JMY: variants seen among roughly 807,000 people sequenced by gnomAD.
JMY encodes the protein junction-mediating and -regulatory protein.
In JMY, 46 loss-of-function variants were observed where a neutral mutation model predicts 103.3. That is an observed-to-expected ratio of 0.45 (90% CI 0.35 to 0.57). JMY has a LOEUF of 0.57. Among genes scored for constraint, JMY ranks in the 20% least tolerant of loss-of-function variants. JMY has a pLI of 0.00. For synonymous variants in JMY, 526 were observed against 489.3 expected (o/e 1.07, Z -0.99); for missense variants, 1,238 against 1,255.2 (o/e 0.99, Z 0.21).
chr5:79,315,049 C>T (rs1747174216), intron 9 of JMY, among the ~76,000 whole-genome samples, 198 bp downstream of exon 9: 1 of 152,096 alleles, frequency 6.6e-6, no homozygotes, highest in South Asian at 2.1e-4. Context: ...GGCTGTTAGG[C>T]ATGTTTTAAA....
intron 1 of JMY, among the ~76,000 whole-genome samples, chr5:79,261,216 C>T (rs1418139808): frequency 1.3e-5 from 2 of 152,062 alleles, no homozygotes; most frequent in Non-Finnish European, 2.9e-5. Flanking sequence ...GCTCCAAGAT[C>T]TTTACCCTGA....
At chr5:79,259,500 C>T (rs73116171) in intron 1 of JMY, among the ~76,000 whole-genome samples, 2,874 of 152,372 alleles carry the variant, frequency 0.019, 95 homozygotes, top group African/African-American at 0.066. Context: ...GACTCACCCA[C>T]TCCTGCCCAG....
intron 1 of JMY, among the ~76,000 whole-genome samples, chr5:79,276,293 A>T (rs1745933657): frequency 6.6e-6 from 1 of 151,138 alleles, no homozygotes; most frequent in Non-Finnish European, 1.5e-5. Flanking sequence ...TGATTTTTGT[A>T]ATTTTAGTAG....
chr5:79,285,534 T>G (rs1746242977), intron 2 of JMY, among the ~76,000 whole-genome samples: 2 of 150,410 alleles, frequency 1.3e-5, no homozygotes, highest in Non-Finnish European at 1.5e-5. Flanking sequence ...AGCTATACTT[T>G]CCTTTAGTTC....
At chr5:79,247,920 T>G (rs938035055) in intron 1 of JMY, among the ~76,000 whole-genome samples, 1 of 151,650 alleles carries the variant, frequency 6.6e-6, no homozygotes, top group Non-Finnish European at 1.5e-5. Context: ...TGAGACAGAG[T>G]CTCGTTCTGC....
intron 1 of JMY, among the ~76,000 whole-genome samples, chr5:79,244,045 G>T (rs967847951): frequency 1.3e-4 from 20 of 150,190 alleles, no homozygotes; most frequent in African/African-American, 4.9e-4. Context: ...CTGTCACCCA[G>T]GCTGGAGTGC....
chr5:79,280,953 A>T (rs1746088179), intron 2 of JMY, among the ~76,000 whole-genome samples: 1 of 151,802 alleles, frequency 6.6e-6, no homozygotes, highest in Non-Finnish European at 1.5e-5. Flanking sequence ...AAAAAAAGCA[A>T]GTATAATTGA....
intron 1 of JMY, among the ~76,000 whole-genome samples, chr5:79,264,132 G>T (rs953315120): frequency 6.6e-6 from 1 of 151,584 alleles, no homozygotes; most frequent in African/African-American, 2.4e-5. Context: ...GTTGCCCAGG[G>T]TAGAGTACAG....
intron 1 of JMY, 146 bp downstream of exon 1, chr5:79,237,828 C>T: frequency 1.5e-6 from 1 of 665,194 alleles, no homozygotes; most frequent in Non-Finnish European, 2.5e-6. Context: ...TCCTGATCTA[C>T]CTTGCCCTTC....
intron 1 of JMY, among the ~76,000 whole-genome samples, chr5:79,265,353 G>A (rs1745555740): frequency 6.6e-6 from 1 of 152,180 alleles, no homozygotes; most frequent in Non-Finnish European, 1.5e-5. Context: ...GGGATATTAA[G>A]ATATTTATTA....
chr5:79,267,945 G>A (rs1224351841), intron 1 of JMY, among the ~76,000 whole-genome samples: 1 of 152,182 alleles, frequency 6.6e-6, no homozygotes, highest in Non-Finnish European at 1.5e-5. Flanking sequence ...GTGTAGTTTT[G>A]TAAGAAACTG....
chr5:79,286,125 C>T (rs35483465), intron 2 of JMY, among the ~76,000 whole-genome samples: 8,538 of 152,120 alleles, frequency 0.056, 543 homozygotes, highest in African/African-American at 0.15. Context: ...GTCTTAGGTA[C>T]AATAAACTAT....
intron 4 of JMY, among the ~76,000 whole-genome samples, 154 bp downstream of exon 4, chr5:79,291,453 C>T (rs576453208): frequency 1.2e-4 from 19 of 152,288 alleles, no homozygotes; most frequent in Middle Eastern, 3.4e-3. Context: ...CTTAAGTTGT[C>T]ATTAGAAGAG....
intron 7 of JMY, among the ~76,000 whole-genome samples, chr5:79,310,780 A>G (rs1747023503): frequency 6.6e-6 from 1 of 152,208 alleles, no homozygotes; most frequent in Non-Finnish European, 1.5e-5. Flanking sequence ...ATTGGATAAG[A>G]GAATTCTGTT....
intron 2 of JMY, among the ~76,000 whole-genome samples, chr5:79,282,084 GTA>G (rs1408405448): frequency 4.6e-5 from 7 of 152,248 alleles, no homozygotes; most frequent in African/African-American, 1.7e-4. Flanking sequence ...GTGGCCACCT[GTA>G]GTCCCAGCTA....
In JMY at chr5:79,306,278, G is replaced by A; in HGVS notation, c.1882-97G>A. The A allele has an allele frequency of 6.3e-6, 5 of 792,140 alleles. No individual in the cohort carries two copies. The East Asian group carries it at 1.0e-4, about 16-fold the overall frequency. 49.1% of individuals were successfully genotyped at this position (792,140 alleles called of 1,614,324 possible). ...GGTGGTCAATGTGATACTTTGTTCT[G>A]TAGGTGGTATATATTAAGATCAAAA... On this transcript the variant is annotated intron_variant, in intron 6 of 10. Transcript: ENST00000396137.
At chr5:79,320,577 C>A (rs771415823) in intron 10 of JMY, among the ~76,000 whole-genome samples, 1 of 152,132 alleles carries the variant, frequency 6.6e-6, no homozygotes, top group Admixed American at 6.6e-5. Context: ...TCCCAAAGTG[C>A]TGGGATTACA....
Position 79,306,448 on chromosome 5 carries a change from A to G in JMY, c.1955A>G (p.His652Arg). ...TRIEDEYRTH[H>R]TVQLKREKLH... ...ATTGAAGATGAATATAGAACCCATC[A>G]CACAGTACAACTAGTAAGTTTGGAT... is the stretch of plus-strand genomic sequence containing the variant. Residue 652 changes from histidine to arginine, a missense_variant, in exon 7 of 11, where the codon CAC (histidine) becomes CGC (arginine). By Grantham distance (29) the His-to-Arg change is conservative. Transcript: ENST00000396137. 1 of 1,609,934 alleles carries G rather than the reference A, an allele frequency of 6.2e-7. No individual in the cohort carries two copies. The highest frequency in any genetic ancestry group is 1.1e-5 in the South Asian group (1 of 90,680).
At position 79,325,584 on chromosome 5, in the gene JMY, TC is replaced by T. The variant is rs1747611562; in HGVS notation, c.*3983del. The stretch of plus-strand genomic sequence containing the variant: ...AGAGGAGTGACCAGCAAGATTTATT[TC>T]AGATGGAAAAGGGGTGAGAAAGTGG... On this transcript the variant is annotated 3_prime_UTR_variant, in exon 11 of 11. Transcript: ENST00000396137. The T allele has an allele frequency of 6.6e-6, 1 of 152,136 alleles. No homozygotes were observed. Among genetic ancestry groups the T allele is most frequent in the Non-Finnish European group, 1.5e-5 (1 of 68,004 alleles). 9.4% of individuals were successfully genotyped at this position (152,136 alleles called of 1,614,324 possible).
Sources: allele counts gnomAD v4.1 joint callset (sites outside exome capture counted in the v4.1 genomes callset), GRCh38; gene constraint gnomAD v4.1.1; transcripts MANE v1.5; gene names NCBI Gene and HGNC (gene_info 2026-07-23, HGNC 2026-07-21).